Variants in FOXO3 observed in about 807,000 individuals in gnomAD.
FOXO3 encodes forkhead box O3, also known as forkhead box protein O3.
In FOXO3, 4 loss-of-function variants were observed where a neutral mutation model predicts 41.9. The ratio of observed to expected loss-of-function variants is 0.10; its 90% CI spans 0.05 to 0.22. FOXO3 has a LOEUF of 0.22. FOXO3 is among the 10% of genes least tolerant of loss of function. FOXO3 has a pLI of 1.00. For synonymous variants in FOXO3, 318 were observed against 389.3 expected, an observed-to-expected ratio of 0.82 and a Z score of 2.16; for missense variants, 534 against 906.8, an observed-to-expected ratio of 0.59 and a Z score of 5.28.
intron 1 of FOXO3, among the ~76,000 whole-genome samples, chr6:108,642,834 T>A (rs1410830362): frequency 6.6e-6 from 1 of 152,110 alleles, no homozygotes; most frequent in African/African-American, 2.4e-5. Context: ...GCTGGGAGAG[T>A]CACAGGTAGG....
intron 2 of FOXO3, among the ~76,000 whole-genome samples, chr6:108,677,577 T>C (rs1341718447): frequency 6.6e-6 from 1 of 152,148 alleles, no homozygotes; most frequent in African/African-American, 2.4e-5. Flanking sequence ...CTGAATTAGG[T>C]AGTACTTTAC....
At chr6:108,564,287 A>G (rs139985918) in intron 1 of FOXO3, among the ~76,000 whole-genome samples, 1 of 152,216 alleles carries the variant, frequency 6.6e-6, no homozygotes, top group African/African-American at 2.4e-5. Flanking sequence ...CTAATAGGCA[A>G]CCTTTTTTTG....
At chr6:108,641,772 G>A (rs1055629378) in intron 1 of FOXO3, among the ~76,000 whole-genome samples, 3 of 151,932 alleles carry the variant, frequency 2.0e-5, no homozygotes, top group African/African-American at 7.3e-5. Context: ...TGTATGTGGA[G>A]GGCTAGAATT....
chr6:108,566,475 CCATT>C (rs1018732702), intron 1 of FOXO3, among the ~76,000 whole-genome samples: 8 of 152,276 alleles, frequency 5.3e-5, no homozygotes, highest in Admixed American at 5.2e-4. Context: ...AGTTTACCAT[CCATT>C]CAAAGATCTT....
chr6:108,662,897 AACT>A (rs1203214381), intron 1 of FOXO3, among the ~76,000 whole-genome samples: 6 of 152,204 alleles, frequency 3.9e-5, no homozygotes, highest in African/African-American at 1.2e-4. Flanking sequence ...ATTTGAGGAA[AACT>A]ACTATCAGTG....
chr6:108,561,339 C>A lies in FOXO3; in HGVS notation c.131C>A (p.Pro44His). Residue 44 changes from proline to histidine, a missense_variant, in exon 1 of 3, where the codon CCT (proline) becomes CAT (histidine). Coordinates refer to ENST00000406360, the MANE Select transcript of FOXO3 (RefSeq NM_001455.4). ...PLQRPELQAS[P>H]AKPSGETAAD... ...CAAAGGCCGGAGCTCCAAGCGAGCC[C>A]TGCCAAGCCCTCGGGGGAGACGGCC... is the stretch of plus-strand genomic sequence containing the variant. 2 of 1,569,300 alleles carry A rather than the reference C, an allele frequency of 1.3e-6. No individual in the cohort carries two copies. The highest frequency in any genetic ancestry group is 1.2e-5 in the South Asian group (1 of 85,552).
At chr6:108,571,192 A>G (rs1243672535) in intron 1 of FOXO3, among the ~76,000 whole-genome samples, 1 of 152,238 alleles carries the variant, frequency 6.6e-6, no homozygotes, top group Non-Finnish European at 1.5e-5. Flanking sequence ...GCTCTCAGGT[A>G]AGAGAGAAAG....
chr6:108,653,956 G>T (rs1345457994), intron 1 of FOXO3, among the ~76,000 whole-genome samples: 1 of 152,202 alleles, frequency 6.6e-6, no homozygotes, highest in Non-Finnish European at 1.5e-5. Context: ...CTTGTGGGAA[G>T]GGGAAACAGA....
In FOXO3 at chr6:108,680,606, C is replaced by T. The variant is rs1770807035; in HGVS notation, c.*814C>T. 1 of 152,574 alleles carries T rather than the reference C, an allele frequency of 6.6e-6. No individual in the cohort carries two copies. Among genetic ancestry groups the T allele is most frequent in the Non-Finnish European group, 1.5e-5 (1 of 68,054 alleles). The allele number at this position is 152,574 out of a possible 1,614,324, so 9.5% of individuals were successfully genotyped here. A position where few individuals can be genotyped will look rare whatever the true frequency, so the allele number is the denominator to read the frequency against. On this transcript the variant is annotated 3_prime_UTR_variant, in exon 3 of 3. Coordinates refer to ENST00000406360, the MANE Select transcript of FOXO3 (RefSeq NM_001455.4). ...GCCAGATCAGTAGGGCCTGTGATTT[C>T]CTGTCAGTGTCCTCAGCTAATGTGA... is the stretch of plus-strand genomic sequence containing the variant.
At chr6:108,641,031 T>C (rs945252933) in intron 1 of FOXO3, among the ~76,000 whole-genome samples, 1 of 152,126 alleles carries the variant, frequency 6.6e-6, no homozygotes, top group African/African-American at 2.4e-5. Context: ...TGCCTCAGCC[T>C]CCTGAATAGC....
At chr6:108,562,808 T>C (rs1026316683) in intron 1 of FOXO3, among the ~76,000 whole-genome samples, 2 of 152,204 alleles carry the variant, frequency 1.3e-5, no homozygotes, top group Non-Finnish European at 2.9e-5. Context: ...CTTCCTGCAG[T>C]TGGGTATCCA....
intron 1 of FOXO3, among the ~76,000 whole-genome samples, chr6:108,650,197 CT>C (rs1778509903): frequency 6.6e-6 from 1 of 152,126 alleles, no homozygotes; most frequent in African/African-American, 2.4e-5. Context: ...CAGGAATGCC[CT>C]TAGAGTCACT....
At chr6:108,580,196 T>TTC (rs893843639) in intron 1 of FOXO3, among the ~76,000 whole-genome samples, 2 of 142,124 alleles carry the variant, frequency 1.4e-5, no homozygotes, top group African/African-American at 5.3e-5. Flanking sequence ...TTTTTTTTTT[T>TTC]TTTTTTTTTT....
At chr6:108,628,607 G>C (rs1777876428) in intron 1 of FOXO3, among the ~76,000 whole-genome samples, 1 of 152,208 alleles carries the variant, frequency 6.6e-6, no homozygotes, top group South Asian at 2.1e-4. Context: ...TTTGGTGGAT[G>C]CCTCTTTTCC....
chr6:108,593,522 T>C (rs1184282117), intron 1 of FOXO3, among the ~76,000 whole-genome samples: 1 of 146,688 alleles, frequency 6.8e-6, no homozygotes, highest in Non-Finnish European at 1.5e-5. Flanking sequence ...GGATTACAGG[T>C]GCCTGCCACC....
At position 108,561,636 on chromosome 6, in the gene FOXO3, G is replaced by T. The variant is rs756842922; in HGVS notation, c.428G>T (p.Gly143Val). 49 of 1,569,290 alleles carry T rather than the reference G, an allele frequency of 3.1e-5. No individual in the cohort carries two copies. In the Admixed American group the frequency reaches 4.1e-4, roughly 13 times the overall value. Residue 143 changes from glycine (G) to valine (V), a missense_variant, in exon 1 of 3, where the codon GGC becomes GTC. Physicochemically the swap from Gly to Val is moderately radical, Grantham distance 109 (BLOSUM62 -3). This residue lies in a region of FOXO3 where 139 missense variants were observed against 163.7 expected (regional missense o/e 0.85). Transcript: ENST00000406360. Reference sequence around the variant, plus strand: ...CCGCCGCAGCCGGGGGCGGCTGGGGGCTCCGGGCAGCCGAGGAAATGTTCG... The same window carrying T: ...CCGCCGCAGCCGGGGGCGGCTGGGGTCTCCGGGCAGCCGAGGAAATGTTCG... ...LPPPQPGAAG[G>V]SGQPRKCSSR... is the part of the protein sequence containing the mutation.
intron 1 of FOXO3, chr6:108,656,491 G>C: frequency 1.0e-6 from 1 of 985,358 alleles, no homozygotes; most frequent in East Asian, 1.1e-4. Context: ...TCCTGGAAGG[G>C]GCCGCCCTGG....
Position 108,561,029 on chromosome 6 carries a change from C to A in FOXO3, c.-180C>A. On this transcript the variant is annotated 5_prime_UTR_variant, in exon 1 of 3. Coordinates refer to ENST00000406360, the MANE Select transcript of FOXO3 (RefSeq NM_001455.4). ...GCAGCGGGCGAGGACTCGCCGAGGACGGGGCTCCGGCCCGGGATAACCAAC... is the reference window on the plus strand; with the variant it reads ...GCAGCGGGCGAGGACTCGCCGAGGAAGGGGCTCCGGCCCGGGATAACCAAC... 7.2e-7 allele frequency: 1 copy of A among 1,383,856 alleles called. No individual in the cohort carries two copies. Among genetic ancestry groups the A allele is most frequent in the Non-Finnish European group, 9.2e-7 (1 of 1,081,596 alleles). 85.7% of individuals were successfully genotyped at this position (1,383,856 alleles called of 1,614,324 possible).
chr6:108,643,509 G>A (rs1466016976), intron 1 of FOXO3, among the ~76,000 whole-genome samples: 2 of 152,166 alleles, frequency 1.3e-5, no homozygotes, highest in African/African-American at 2.4e-5. Flanking sequence ...AAAACAAGAT[G>A]AGCAACACTC....
Sources: allele counts gnomAD v4.1 joint callset (sites outside exome capture counted in the v4.1 genomes callset), GRCh38; gene constraint gnomAD v4.1.1; regional missense constraint gnomAD v4.1.1; transcripts MANE v1.5; gene names NCBI Gene and HGNC (gene_info 2026-07-23, HGNC 2026-07-21).